Variants in GPM6A observed in about 807,000 individuals in gnomAD.
The protein encoded by GPM6A is glycoprotein M6A.
In GPM6A, 7 loss-of-function variants were observed where a neutral mutation model predicts 32.1. The ratio of observed to expected loss-of-function variants is 0.22; its 90% CI spans 0.12 to 0.41. The LOEUF (loss-of-function observed/expected upper bound fraction) is 0.41. Among genes scored for constraint, GPM6A ranks in the 10% least tolerant of loss-of-function variants. GPM6A has a pLI of 1.00. For missense variants in GPM6A, 235 were observed against 347.2 expected (o/e 0.68, Z 2.57); for synonymous variants, 130 against 123.4 (o/e 1.05, Z -0.35).
intron 3 of GPM6A, among the ~76,000 whole-genome samples, chr4:175,665,573 G>A (rs2110959546): frequency 6.6e-6 from 1 of 152,164 alleles, no homozygotes; most frequent in East Asian, 2.0e-4. Context: ...CTGAGGGCAG[G>A]AGGTGTTTGA....
intron 1 of GPM6A, among the ~76,000 whole-genome samples, chr4:175,824,750 G>A (rs1160924850): frequency 2.0e-5 from 3 of 152,218 alleles, no homozygotes; most frequent in Admixed American, 1.3e-4. Flanking sequence ...CTGTATGCTA[G>A]GCACATATTT....
At chr4:175,919,797 C>G (rs1184792162) in intron 1 of GPM6A, among the ~76,000 whole-genome samples, 2 of 152,198 alleles carry the variant, frequency 1.3e-5, no homozygotes, top group East Asian at 3.9e-4. Flanking sequence ...TAACTATAAC[C>G]AAGTAGGGAT....
chr4:175,928,807 A>C (rs1182444581), intron 1 of GPM6A, among the ~76,000 whole-genome samples: 1 of 152,224 alleles, frequency 6.6e-6, no homozygotes, highest in African/African-American at 2.4e-5. Context: ...GTTTTATAGT[A>C]TAGTTTGGCC....
At chr4:175,774,960 G>A (rs1229052778) in intron 1 of GPM6A, among the ~76,000 whole-genome samples, 1 of 151,950 alleles carries the variant, frequency 6.6e-6, no homozygotes, top group African/African-American at 2.4e-5. Flanking sequence ...TAAACCAGAC[G>A]ATCCCAAAAT....
chr4:175,847,781 A>G (rs920791081), intron 1 of GPM6A, among the ~76,000 whole-genome samples: 2 of 152,178 alleles, frequency 1.3e-5, no homozygotes, highest in Non-Finnish European at 2.9e-5. Flanking sequence ...AAAAAAATTT[A>G]TGCTAGTTTT....
At chr4:175,920,840 C>CA (rs111395503) in intron 1 of GPM6A, among the ~76,000 whole-genome samples, 8,206 of 127,630 alleles carry the variant, frequency 0.064, 423 homozygotes, top group African/African-American at 0.16. Context: ...GAATCTGTCT[C>CA]AAAAAAAAAA....
intron 2 of GPM6A, among the ~76,000 whole-genome samples, chr4:175,675,164 T>C (rs1235376363): frequency 6.6e-6 from 1 of 151,754 alleles, no homozygotes; most frequent in South Asian, 2.1e-4. Context: ...TAATATCTTT[T>C]AAATCTGTAG....
At chr4:175,770,304 G>A (rs148448408) in intron 1 of GPM6A, among the ~76,000 whole-genome samples, 20 of 152,258 alleles carry the variant, frequency 1.3e-4, no homozygotes, top group Admixed American at 5.2e-4. Context: ...GGGGTTACAG[G>A]CGTGAGCCAC....
At chr4:175,999,122 T>C (rs1741398969) in intron 1 of GPM6A, among the ~76,000 whole-genome samples, 1 of 152,238 alleles carries the variant, frequency 6.6e-6, no homozygotes, top group Admixed American at 6.5e-5. Context: ...CTAAATCATA[T>C]TCAACATCAT....
chr4:175,700,764 G>T (rs751768813), intron 2 of GPM6A, among the ~76,000 whole-genome samples: 1 of 151,902 alleles, frequency 6.6e-6, no homozygotes, highest in Non-Finnish European at 1.5e-5. Context: ...TTATCAGCTG[G>T]GATTACAAAC....
chr4:175,675,065 T>C (rs1743290941), intron 2 of GPM6A, among the ~76,000 whole-genome samples: 1 of 152,052 alleles, frequency 6.6e-6, no homozygotes, highest in Non-Finnish European at 1.5e-5. Flanking sequence ...TGATATTCAA[T>C]AACATTAAGA....
At position 175,743,564 on chromosome 4, in the gene GPM6A, T is replaced by C. The variant is rs550862612; in HGVS notation, c.38-41797A>G. 7.2e-5 allele frequency among the ~76,000 whole-genome samples: 11 copies of C among 151,992 alleles called. No homozygotes were observed. The South Asian group carries it at 1.4e-3, about 20-fold the overall frequency. ...TATTATTAATTAAACTAAATATAAA[T>C]GCACTAAATACTTCAATTAAAAGAC... On this transcript the variant is annotated intron_variant, in intron 1 of 6. Coordinates refer to ENST00000393658, the MANE Select transcript of GPM6A (RefSeq NM_201591.3).
At chr4:175,674,424 C>T (rs1287642054) in intron 2 of GPM6A, among the ~76,000 whole-genome samples, 1 of 152,160 alleles carries the variant, frequency 6.6e-6, no homozygotes, top group Non-Finnish European at 1.5e-5. Context: ...AATCCACCAC[C>T]TTGGCTTCCC....
intron 1 of GPM6A, among the ~76,000 whole-genome samples, chr4:175,802,836 T>A (rs1734524259): frequency 6.6e-6 from 1 of 152,060 alleles, no homozygotes; most frequent in South Asian, 2.1e-4. Flanking sequence ...ATTGCCAGAA[T>A]CACAATGCTA....
In GPM6A at chr4:175,633,720, A is replaced by C. The variant is rs1740425802; in HGVS notation, c.*1185T>G. ...ATACAGGTACTTTTTATAAATGAAT[A>C]TGAATGAACATTCGGTTAAAATGAC... On this transcript the variant is annotated 3_prime_UTR_variant, in exon 7 of 7. Transcript: ENST00000393658. 6.6e-6 allele frequency: 1 copy of C among 152,546 alleles called. No homozygotes were observed. The highest frequency in any genetic ancestry group is 2.1e-4 in the South Asian group (1 of 4,834). 9.4% of individuals were successfully genotyped at this position (152,546 alleles called of 1,614,324 possible). A position where few individuals can be genotyped will look rare whatever the true frequency, so the allele number is the denominator to read the frequency against.
chr4:175,886,013 G>A (rs1737442085), intron 1 of GPM6A, among the ~76,000 whole-genome samples: 1 of 152,078 alleles, frequency 6.6e-6, no homozygotes. Flanking sequence ...ACAGCATTAA[G>A]AGACATGGAG....
chr4:175,770,816 G>A (rs1733157222), intron 1 of GPM6A, among the ~76,000 whole-genome samples: 1 of 151,928 alleles, frequency 6.6e-6, no homozygotes, highest in African/African-American at 2.4e-5. Context: ...TACCTGTGTG[G>A]ACTGTTTTTA....
chr4:175,972,910 C>A (rs1376738848), intron 1 of GPM6A, among the ~76,000 whole-genome samples: 1 of 152,120 alleles, frequency 6.6e-6, no homozygotes, highest in East Asian at 1.9e-4. Context: ...ATCCATGGGG[C>A]AGTCAATAGT....
At chr4:175,660,918 T>G (rs988977803) in intron 3 of GPM6A, among the ~76,000 whole-genome samples, 3 of 152,236 alleles carry the variant, frequency 2.0e-5, no homozygotes, top group African/African-American at 7.2e-5. Flanking sequence ...ATTCTGCCAC[T>G]GATGAACAAT....
Sources: allele counts gnomAD v4.1 joint callset (sites outside exome capture counted in the v4.1 genomes callset), GRCh38; gene constraint gnomAD v4.1.1; transcripts MANE v1.5; gene names NCBI Gene and HGNC (gene_info 2026-07-23, HGNC 2026-07-21).